NBAS: variants seen among roughly 807,000 people sequenced by gnomAD.
NBAS encodes the protein NAG/BC035112 fusion.
A neutral mutation model predicts 302.5 loss-of-function variants in NBAS; 219 were observed. The ratio of observed to expected loss-of-function variants is 0.72; its 90% CI spans 0.65 to 0.81. The LOEUF (loss-of-function observed/expected upper bound fraction) is 0.81, where lower values mean the gene tolerates loss of function less well. NBAS is among the 30% of genes least tolerant of loss of function. The pLI, the probability that NBAS is intolerant of heterozygous loss-of-function variation, is 0.00. For synonymous variants in NBAS, 1,118 were observed against 1,021.6 expected, an observed-to-expected ratio of 1.09 and a Z score of -1.80; for missense variants, 2,932 against 2,841.6, an observed-to-expected ratio of 1.03 and a Z score of -0.72.
the NBAS span, among the ~76,000 whole-genome samples, chr2:14,927,792 C>T: frequency 2.0e-5 from 3 of 152,126 alleles, no homozygotes; most frequent in Non-Finnish European, 4.4e-5. Context: ...TGCATTTCCC[C>T]GATGACTGGT....
chr2:15,349,971 C>T (rs183594940), intron 35 of NBAS, among the ~76,000 whole-genome samples: 6 of 152,148 alleles, frequency 3.9e-5, no homozygotes, highest in African/African-American at 1.4e-4. Flanking sequence ...GTCATCACTG[C>T]AGGAGGAAGA....
intron 32 of NBAS, 57 bp downstream of exon 32, chr2:15,366,523 T>C (rs1674209144): frequency 2.0e-6 from 3 of 1,471,936 alleles, no homozygotes; most frequent in East Asian, 2.3e-5. Context: ...TGTCCTGCAA[T>C]GATGTCAAGA....
At chr2:15,340,378 C>T (rs996868979) in intron 35 of NBAS, among the ~76,000 whole-genome samples, 1 of 152,048 alleles carries the variant, frequency 6.6e-6, no homozygotes, top group African/African-American at 2.4e-5. Flanking sequence ...GGTACGAACA[C>T]CTACAAAGAG....
chr2:15,035,369 C>T, the NBAS span, among the ~76,000 whole-genome samples: 1 of 152,160 alleles, frequency 6.6e-6, no homozygotes, highest in African/African-American at 2.4e-5. Flanking sequence ...AATGCTTTTA[C>T]ACTTTTCTTC....
At chr2:15,463,708 C>A (rs776355103) in intron 19 of NBAS, among the ~76,000 whole-genome samples, 2 of 142,796 alleles carry the variant, frequency 1.4e-5, no homozygotes, top group Non-Finnish European at 3.0e-5. Flanking sequence ...TGAAGATATG[C>A]CACAAAACCA....
At chr2:14,999,663 C>A in the NBAS span, among the ~76,000 whole-genome samples, 2 of 152,184 alleles carry the variant, frequency 1.3e-5, no homozygotes, top group African/African-American at 4.8e-5. Context: ...GCCTCCTGAA[C>A]AGCCTGTGGA....
At chr2:14,974,006 C>A in the NBAS span, among the ~76,000 whole-genome samples, 974 of 152,322 alleles carry the variant, frequency 6.4e-3, 13 homozygotes, top group African/African-American at 0.022. Flanking sequence ...CTAAAGCCAA[C>A]TCTCGCCAAG....
chr2:14,962,523 G>A, the NBAS span, among the ~76,000 whole-genome samples: 7 of 152,080 alleles, frequency 4.6e-5, no homozygotes, highest in Non-Finnish European at 1.0e-4. Context: ...CTTGAGACCA[G>A]GCTGTCATGG....
At chr2:15,439,641 C>A (rs1034989887) in intron 21 of NBAS, among the ~76,000 whole-genome samples, 3 of 152,072 alleles carry the variant, frequency 2.0e-5, no homozygotes, top group Non-Finnish European at 4.4e-5. Flanking sequence ...CTAGGGAGTG[C>A]CAGACAGTGG....
chr2:15,397,035 T>C (rs1299189784), intron 26 of NBAS, among the ~76,000 whole-genome samples: 1 of 152,188 alleles, frequency 6.6e-6, no homozygotes, highest in Non-Finnish European at 1.5e-5. Flanking sequence ...AGATAATCCC[T>C]AGTAGGGAGT....
chr2:15,506,231 A>C (rs919753618), intron 10 of NBAS, among the ~76,000 whole-genome samples: 1 of 152,050 alleles, frequency 6.6e-6, no homozygotes, highest in East Asian at 1.9e-4. Flanking sequence ...AATCCATGAA[A>C]ACTTTACAGA....
chr2:14,946,817 A>G, the NBAS span, among the ~76,000 whole-genome samples: 2 of 152,210 alleles, frequency 1.3e-5, no homozygotes, highest in South Asian at 4.1e-4. Context: ...TAAAGTAAAA[A>G]TCATATCAAG....
chr2:15,164,910 TG>T (rs1233066738), downstream of NBAS, among the ~76,000 whole-genome samples: 1 of 152,192 alleles, frequency 6.6e-6, no homozygotes, highest in Non-Finnish European at 1.5e-5. Context: ...GTCAAAGCCA[TG>T]GAGCTTCCAG....
intron 41 of NBAS, among the ~76,000 whole-genome samples, chr2:15,290,642 G>A (rs1407505331): frequency 6.6e-6 from 1 of 152,198 alleles, no homozygotes; most frequent in African/African-American, 2.4e-5. Context: ...ACTCCTGGCT[G>A]TGTGACTTTG....
At chr2:15,107,751 C>T in the NBAS span, among the ~76,000 whole-genome samples, 8 of 152,044 alleles carry the variant, frequency 5.3e-5, no homozygotes, top group African/African-American at 1.4e-4. Context: ...TGTTGACCAA[C>T]GTGTATTCTC....
the NBAS span, among the ~76,000 whole-genome samples, chr2:15,095,641 T>G: frequency 6.6e-6 from 1 of 152,216 alleles, no homozygotes; most frequent in Non-Finnish European, 1.5e-5. Flanking sequence ...GTGCTCTTTC[T>G]GCCTTCCCCC....
the NBAS span, among the ~76,000 whole-genome samples, chr2:14,854,261 A>C: frequency 6.6e-6 from 1 of 151,976 alleles, no homozygotes; most frequent in Non-Finnish European, 1.5e-5. Context: ...CTAATGATGC[A>C]TCTTAATTAA....
intron 9 of NBAS, among the ~76,000 whole-genome samples, chr2:15,525,124 A>G (rs1238256702): frequency 1.3e-5 from 2 of 152,108 alleles, no homozygotes; most frequent in Non-Finnish European, 2.9e-5. Flanking sequence ...CAAATTTCCA[A>G]TTTCCATCCC....
At chr2:15,057,450 T>C in the NBAS span, among the ~76,000 whole-genome samples, 4 of 152,124 alleles carry the variant, frequency 2.6e-5, no homozygotes, top group East Asian at 7.7e-4. Context: ...TATTTTTCCA[T>C]AAGTTATTGG....
Sources: gnomAD v4.1 joint callset for allele counts (sites outside exome capture counted in the v4.1 genomes callset) on GRCh38, gnomAD v4.1.1 for gene constraint, MANE v1.5 for transcripts, NCBI Gene and HGNC (gene_info 2026-07-23, HGNC 2026-07-21) for gene names.